The following KAT6A variants were observed in gnomAD, a reference collection of about 807,000 sequenced individuals.
The protein encoded by KAT6A is histone acetyltransferase KAT6A.
In KAT6A, 9 loss-of-function variants were observed where a neutral mutation model predicts 198.4. The ratio of observed to expected loss-of-function variants is 0.05; its 90% confidence interval spans 0.03 to 0.08. KAT6A has a LOEUF of 0.08. KAT6A is among the 10% of genes least tolerant of loss of function. The pLI is 1.00. For missense variants in KAT6A, 2,077 were observed against 2,509.9 expected (o/e 0.83, Z 3.69); for synonymous variants, 890 against 883.0 (o/e 1.01, Z -0.14).
intron 2 of KAT6A, among the ~76,000 whole-genome samples, chr8:42,022,098 C>T (rs945467734): frequency 6.6e-6 from 1 of 152,156 alleles, no homozygotes; most frequent in Non-Finnish European, 1.5e-5. Flanking sequence ...GCCTTCAACA[C>T]AGACAATCTT....
Position 41,934,849 on chromosome 8 carries a change from G to A in KAT6A, c.3371C>T (p.Pro1124Leu), listed in dbSNP as rs147041358. The A allele has an allele frequency of 6.2e-7, 1 of 1,610,606 alleles. No homozygotes were observed. Among genetic ancestry groups the A allele is most frequent in the Non-Finnish European group, 8.5e-7 (1 of 1,178,882 alleles). Residue 1124 changes from proline to leucine, a missense_variant, in exon 17 of 17, where the codon CCA (proline) becomes CTA (leucine). By Grantham distance (98) the Pro-to-Leu change is moderately conservative. Coordinates refer to ENST00000265713, the MANE Select transcript of KAT6A (RefSeq NM_006766.5). The part of the protein sequence containing the change: ...DDADDTPILK[P>L]VSLLRKRDVK... Reference sequence around the variant, plus strand: ...ATCACGTTTTCGCAAAAGAGATACTGGCTTTAAGATAGGAGTGTCTATACA... The same window carrying A: ...ATCACGTTTTCGCAAAAGAGATACTAGCTTTAAGATAGGAGTGTCTATACA...
chr8:41,968,598 C>T (rs1279363285), intron 8 of KAT6A, among the ~76,000 whole-genome samples: 3 of 152,266 alleles, frequency 2.0e-5, no homozygotes, highest in Admixed American at 2.0e-4. Context: ...CTAGAAATAC[C>T]ATTTGACCCA....
chr8:42,020,772 T>A (rs1009081550), intron 2 of KAT6A, among the ~76,000 whole-genome samples: 2 of 152,216 alleles, frequency 1.3e-5, no homozygotes, highest in Non-Finnish European at 2.9e-5. Context: ...AATCTGGAAC[T>A]TCATTTTAGC....
chr8:41,979,637 T>A (rs1824247714), intron 5 of KAT6A, among the ~76,000 whole-genome samples: 1 of 151,956 alleles, frequency 6.6e-6, no homozygotes, highest in Non-Finnish European at 1.5e-5. Flanking sequence ...AGACTTCACA[T>A]AAATGGAAAA....
chr8:41,986,670 T>TG (rs1824621815), intron 3 of KAT6A, among the ~76,000 whole-genome samples: 2 of 152,112 alleles, frequency 1.3e-5, no homozygotes, highest in Admixed American at 1.3e-4. Flanking sequence ...GTACAGAAGC[T>TG]CATCTCAGTC....
In KAT6A at chr8:41,969,992, A is replaced by T. The variant is rs140750938; in HGVS notation, c.1482+4712T>A. ...GTCTTCCCTTCTCATAAACACTCCA[A>T]CCCCAACCCTCAGCAAGGTAGCCCA... On this transcript the variant is annotated intron_variant, in intron 8 of 16. Transcript: ENST00000265713. Among the ~76,000 whole-genome samples the T allele has an allele frequency of 4.1e-4, 62 of 152,006 alleles. 1 individual carries two copies. In the East Asian group the frequency reaches 0.011, roughly 27 times the overall value.
intron 2 of KAT6A, among the ~76,000 whole-genome samples, chr8:42,005,514 G>A (rs766272123): frequency 5.9e-5 from 9 of 152,164 alleles, no homozygotes; most frequent in Non-Finnish European, 7.3e-5. Context: ...TCAGGAAAGC[G>A]AGGCTGAAGC....
In KAT6A at chr8:41,940,911, C is replaced by T. The variant is rs370686147; in HGVS notation, c.2970G>A (p.Glu990=). 39 of 1,614,050 alleles carry T rather than the reference C, an allele frequency of 2.4e-5. No individual in the cohort carries two copies. Among genetic ancestry groups the T allele is most frequent in the Non-Finnish European group, 3.3e-5 (39 of 1,180,040 alleles). ...ACCGAGGGCTTTCCGGCTCCTCCTCCTCCTCGCTGCTCTCACTGAAGCCCC... is the reference window on the plus strand; with the variant it reads ...ACCGAGGGCTTTCCGGCTCCTCCTCTTCCTCGCTGCTCTCACTGAAGCCCC... ...VLRGFSESSE[E]EEEPESPRSS... The change falls in exon 15 of 17, where the codon GAG becomes GAA. Residue 990 remains glutamate, a synonymous_variant. Coordinates refer to ENST00000265713, the MANE Select transcript of KAT6A (RefSeq NM_006766.5).
rs1358268557 is a variant in KAT6A, at chr8:41,942,951, G to C, written c.2278C>G (p.Leu760Val). The C allele has an allele frequency of 6.2e-7, 1 of 1,614,064 alleles. No individual in the cohort carries two copies. The highest frequency in any genetic ancestry group is 1.3e-5 in the African/African-American group (1 of 74,930). The change falls in exon 14 of 17, where the codon CTT (leucine) becomes GTT (valine). Residue 760 changes from leucine (L) to valine (V), a missense_variant. By Grantham distance (32) the Leu-to-Val change is conservative (BLOSUM62 1). Around this residue, in one of 13 missense-constraint regions of KAT6A, gnomAD observed 127 missense variants for 209.6 expected, o/e 0.61. Coordinates refer to ENST00000265713, the MANE Select transcript of KAT6A (RefSeq NM_006766.5). ...EKLIQDHMAK[L>V]QLNLRPVDVD... is the part of the protein sequence containing the mutation. ...TCTACAGGTCGCAAATTCAGCTGAA[G>C]CTTTGCCATGTGATCCTGGATAAGT...
At chr8:41,978,869 C>G in intron 5 of KAT6A, 92 bp from the exon 6 acceptor site, 1 of 1,193,876 alleles carries the variant, frequency 8.4e-7, no homozygotes, top group African/African-American at 1.5e-5. Flanking sequence ...TTAACTTTTT[C>G]AGGTAAAAGA....
At chr8:41,983,095 A>G (rs1300583378) in intron 3 of KAT6A, among the ~76,000 whole-genome samples, 1 of 152,198 alleles carries the variant, frequency 6.6e-6, no homozygotes, top group African/African-American at 2.4e-5. Flanking sequence ...ATAGCAAGAG[A>G]AAAAAATGCT....
At chr8:41,935,753 A>G (rs376277731) in intron 16 of KAT6A, among the ~76,000 whole-genome samples, 3 of 152,330 alleles carry the variant, frequency 2.0e-5, no homozygotes, top group South Asian at 2.1e-4. Context: ...GAAAGTCAAC[A>G]AAGGAAATGG....
chr8:41,941,377 G>C lies in KAT6A; in HGVS notation c.2504C>G (p.Pro835Arg), dbSNP rs926996808. The C allele has an allele frequency of 6.2e-7, 1 of 1,610,506 alleles. No individual in the cohort carries two copies. Among genetic ancestry groups the C allele is most frequent in the Non-Finnish European group, 8.5e-7 (1 of 1,179,876 alleles). ...DSYSVESEKKPEVMAPVSSTR... is the reference protein window; with the variant it reads ...DSYSVESEKKREVMAPVSSTR... Reference sequence around the variant, plus strand: ...AGAACTGACTGGAGCCATAACTTCTGGTTTCTTTTCACTTTCTACTGAATA... The same window carrying C: ...AGAACTGACTGGAGCCATAACTTCTCGTTTCTTTTCACTTTCTACTGAATA... The change falls in exon 15 of 17, where the codon CCA becomes CGA. Residue 835 changes from proline (P) to arginine (R), a missense_variant. Physicochemically the swap from Pro to Arg is moderately radical, Grantham distance 103. Around this residue, in one of 13 missense-constraint regions of KAT6A, gnomAD observed 301 missense variants for 272.2 expected, o/e 1.11. Coordinates refer to ENST00000265713, the MANE Select transcript of KAT6A (RefSeq NM_006766.5).
intron 2 of KAT6A, among the ~76,000 whole-genome samples, chr8:42,018,296 G>A (rs914897319): frequency 6.6e-6 from 1 of 152,150 alleles, no homozygotes; most frequent in Non-Finnish European, 1.5e-5. Context: ...TGCACTTTGG[G>A]AGGCTGAGGT....
At position 41,934,101 on chromosome 8, in the gene KAT6A, G is replaced by A. The variant is rs747714674; in HGVS notation, c.4119C>T (p.Ser1373=). 57 of 1,613,844 alleles carry A rather than the reference G, an allele frequency of 3.5e-5. No individual in the cohort carries two copies. Among genetic ancestry groups the A allele is most frequent in the African/African-American group, 2.9e-4 (22 of 74,868 alleles). The change falls in exon 17 of 17, where the codon TCC becomes TCT. Residue 1373 remains serine (S), a synonymous_variant. Transcript: ENST00000265713. Reference sequence around the variant, plus strand: ...TGTCATGGGAAGGCTGCTCCTCTTCGGAATCCAGCTCGGTTTCCTCTTTAT... The same window carrying A: ...TGTCATGGGAAGGCTGCTCCTCTTCAGAATCCAGCTCGGTTTCCTCTTTAT... ...IKDKEETELD[S]EEEQPSHDTS... is the part of the protein sequence containing the mutation.
At position 41,980,724 on chromosome 8, in the gene KAT6A, CTACT is replaced by C; in HGVS notation, c.907+118_907+121del. Reference sequence around the variant, plus strand: ...ACCTTTTAAGGTGACAGTTCTCTTCCTACTTATACAACCTCAAAAAGAAAGATCC... The same window carrying C: ...ACCTTTTAAGGTGACAGTTCTCTTCCTATACAACCTCAAAAAGAAAGATCC... On this transcript the variant is annotated intron_variant, in intron 5 of 16. Coordinates refer to ENST00000265713, the MANE Select transcript of KAT6A (RefSeq NM_006766.5). 4.0e-6 allele frequency: 3 copies of C among 756,274 alleles called. No homozygotes were observed. In the Admixed American group the frequency reaches 5.5e-5, roughly 14 times the overall value. 46.8% of individuals were successfully genotyped at this position (756,274 alleles called of 1,614,324 possible).
chr8:41,974,739 C>T lies in KAT6A; in HGVS notation c.1447G>A (p.Glu483Lys). ...TGTTCTTGGATATCACGAAATAATT[C>T]CATATCTTTCTCAGTCATGATTTCC... is the stretch of plus-strand genomic sequence containing the variant. ...SQEIMTEKDM[E>K]LFRDIQEQAL... Residue 483 changes from glutamate (E) to lysine (K), a missense_variant, in exon 8 of 17, where the codon GAA becomes AAA. By Grantham distance (56) the Glu-to-Lys change is moderately conservative (BLOSUM62 1). This residue lies in a region of KAT6A where 206 missense variants were observed against 214.9 expected (regional missense o/e 0.96). Coordinates refer to ENST00000265713, the MANE Select transcript of KAT6A (RefSeq NM_006766.5). 1.2e-6 allele frequency: 2 copies of T among 1,609,700 alleles called. No individual in the cohort carries two copies. The highest frequency in any genetic ancestry group is 1.7e-6 in the Non-Finnish European group (2 of 1,177,680).
chr8:41,942,674 G>A lies in KAT6A; in HGVS notation c.2436+119C>T. On this transcript the variant is annotated intron_variant, in intron 14 of 16. Transcript: ENST00000265713. ...TCTCTACCACTGAAATAAAACTCTT[G>A]ACATTCTAATGTGAATTTACTTTTC... 3 of 1,125,196 alleles carry A rather than the reference G, an allele frequency of 2.7e-6. No homozygotes were observed. In the South Asian group the frequency reaches 4.8e-5, roughly 18 times the overall value. The allele number at this position is 1,125,196 out of a possible 1,614,324, so 69.7% of individuals were successfully genotyped here. A position where few individuals can be genotyped will look rare whatever the true frequency, so the allele number is the denominator to read the frequency against.
At position 41,933,609 on chromosome 8, in the gene KAT6A, G is replaced by A. The variant is rs200721745; in HGVS notation, c.4611C>T (p.Ser1537=). The A allele has an allele frequency of 4.6e-4, 750 of 1,614,096 alleles. 8 individuals are homozygous for A. In the South Asian group the frequency reaches 6.1e-3, roughly 13 times the overall value. Residue 1537 remains serine, a synonymous_variant, in exon 17 of 17, where the codon TCC becomes TCT. Coordinates refer to ENST00000265713, the MANE Select transcript of KAT6A (RefSeq NM_006766.5). This position sits in a 1 kb window ranked among gnomAD's most constrained non-coding sequence, Gnocchi z 6.2. ...METSPMMDVP[S]VSDHSQQVVD... ...CCACCTGCTGAGAGTGGTCTGATAC[G>A]GAAGGCACATCCATCATGGGGCTGG...
Sources: gnomAD v4.1 joint callset for allele counts (sites outside exome capture counted in the v4.1 genomes callset) on GRCh38, gnomAD v4.1.1 for gene constraint, gnomAD v4.1.1 regional missense constraint, Gnocchi (gnomAD v3.1) non-coding constraint, MANE v1.5 for transcripts, NCBI Gene and HGNC (gene_info 2026-07-23, HGNC 2026-07-21) for gene names.